The following PDZD2 variants were observed in gnomAD, a reference collection of about 807,000 sequenced individuals.
PDZD2 encodes the protein PDZ domain containing 2.
PDZD2 carries 90 observed loss-of-function variants against 220.7 expected under a neutral mutation model. The ratio of observed to expected loss-of-function variants is 0.41; its 90% CI spans 0.34 to 0.49. The LOEUF (loss-of-function observed/expected upper bound fraction) is 0.49, where lower values mean the gene tolerates loss of function less well. PDZD2 is among the 20% of genes least tolerant of loss of function. PDZD2 has a pLI of 0.28. For missense variants in PDZD2, 3,174 were observed against 3,608.5 expected (o/e 0.88, Z 3.08); for synonymous variants, 1,375 against 1,450.5 (o/e 0.95, Z 1.18).
intron 14 of PDZD2, among the ~76,000 whole-genome samples, chr5:32,065,447 A>G (rs1452869121): frequency 6.6e-6 from 1 of 152,234 alleles, no homozygotes; most frequent in African/African-American, 2.4e-5. Flanking sequence ...TAAGAAGTCT[A>G]TGCCAAGAGA....
At chr5:31,783,207 G>A (rs75934094) in intron 1 of PDZD2, among the ~76,000 whole-genome samples, 1,652 of 152,236 alleles carry the variant, frequency 0.011, 23 homozygotes, top group African/African-American at 0.036. Context: ...GGCTTAACCA[G>A]TGTTTATCTT....
intron 2 of PDZD2, among the ~76,000 whole-genome samples, chr5:31,898,497 C>T (rs944454432): frequency 5.9e-5 from 9 of 152,214 alleles, no homozygotes; most frequent in African/African-American, 1.9e-4. Context: ...GACAGCTGCT[C>T]TACTGCCTTT....
chr5:31,732,429 G>C (rs1749589283), intron 1 of PDZD2, among the ~76,000 whole-genome samples: 1 of 152,162 alleles, frequency 6.6e-6, no homozygotes, highest in Non-Finnish European at 1.5e-5. Context: ...TTTGACCTCA[G>C]ATGCAAAGAC....
At chr5:31,936,455 T>C (rs922144847) in intron 2 of PDZD2, 1 of 501,556 alleles carries the variant, frequency 2.0e-6, no homozygotes, top group Non-Finnish European at 2.6e-6. Flanking sequence ...GATGAGCAGG[T>C]AATAATAACA....
intron 14 of PDZD2, among the ~76,000 whole-genome samples, chr5:32,064,214 A>C (rs1739976457): frequency 6.6e-6 from 1 of 152,018 alleles, no homozygotes; most frequent in African/African-American, 2.4e-5. Flanking sequence ...CGCACAGAGG[A>C]AAAGAAGGAA....
At chr5:31,707,020 G>T (rs553591082) in intron 1 of PDZD2, among the ~76,000 whole-genome samples, 120 of 151,874 alleles carry the variant, frequency 7.9e-4, no homozygotes, top group Non-Finnish European at 1.4e-3. Flanking sequence ...AGATCTTAAG[G>T]GTGGGGCCCT....
intron 2 of PDZD2, among the ~76,000 whole-genome samples, chr5:31,959,569 C>G (rs924393072): frequency 6.6e-6 from 1 of 151,862 alleles, no homozygotes; most frequent in African/African-American, 2.4e-5. Context: ...ATGTTGGCCA[C>G]GAACTCCTGA....
chr5:31,700,646 C>T (rs774680512), intron 1 of PDZD2, among the ~76,000 whole-genome samples: 6 of 152,104 alleles, frequency 3.9e-5, no homozygotes, highest in Non-Finnish European at 8.8e-5. Context: ...GAAACTGAGG[C>T]ATGGAAAAAT....
Position 32,054,715 on chromosome 5 carries a change from A to G in PDZD2, c.1900+832A>G, listed in dbSNP as rs146745414. ...AGTGCTTCTGAATGCAAATTAAAGT[A>G]ATATTGAGGTGCCAAGTTCTACCTT... On this transcript the variant is annotated intron_variant, in intron 10 of 24. Transcript: ENST00000438447. Among the ~76,000 whole-genome samples, 957 of 152,314 alleles carry G rather than the reference A, an allele frequency of 6.3e-3. 15 individuals carry two copies. Among genetic ancestry groups the G allele is most frequent in the African/African-American group, 0.022 (906 of 41,580 alleles).
At chr5:31,803,829 G>A (rs567564494) in intron 2 of PDZD2, among the ~76,000 whole-genome samples, 1 of 151,838 alleles carries the variant, frequency 6.6e-6, no homozygotes, top group African/African-American at 2.4e-5. Flanking sequence ...TGAGCCCAGG[G>A]GTTCAAGACC....
intron 1 of PDZD2, among the ~76,000 whole-genome samples, chr5:31,674,037 C>A (rs933283371): frequency 2.0e-5 from 3 of 152,150 alleles, no homozygotes; most frequent in African/African-American, 4.8e-5. Context: ...AGGTCATAAC[C>A]AGGAGGAGAG....
chr5:31,802,789 G>A (rs566789278), intron 2 of PDZD2, among the ~76,000 whole-genome samples: 4 of 151,882 alleles, frequency 2.6e-5, no homozygotes, highest in East Asian at 1.9e-4. Flanking sequence ...GCGTGGTGGC[G>A]GGTGCCTGTA....
intron 10 of PDZD2, 67 bp downstream of exon 10, chr5:32,053,950 A>C: frequency 1.1e-6 from 1 of 909,496 alleles, no homozygotes; most frequent in Non-Finnish European, 1.8e-6. Flanking sequence ...GCCTCTTCAC[A>C]AGATGTGAGT....
At chr5:31,972,960 C>A (rs1002410385) in intron 2 of PDZD2, among the ~76,000 whole-genome samples, 3 of 152,180 alleles carry the variant, frequency 2.0e-5, no homozygotes, top group Non-Finnish European at 2.9e-5. Context: ...TAAAGAAATG[C>A]AATCACTGGC....
intron 5 of PDZD2, among the ~76,000 whole-genome samples, chr5:32,004,998 T>G (rs560595523): frequency 6.6e-6 from 1 of 152,330 alleles, no homozygotes; most frequent in Non-Finnish European, 1.5e-5. Flanking sequence ...AATTAGGCAC[T>G]AAACTGCTAC....
intron 1 of PDZD2, among the ~76,000 whole-genome samples, chr5:31,713,838 C>G (rs748222986): frequency 6.6e-6 from 1 of 152,232 alleles, no homozygotes; most frequent in African/African-American, 2.4e-5. Context: ...TGAGCCACCA[C>G]GCATGGCCAC....
At chr5:32,029,560 CG>C (rs1269423811) in intron 6 of PDZD2, among the ~76,000 whole-genome samples, 2 of 151,988 alleles carry the variant, frequency 1.3e-5, no homozygotes, top group Non-Finnish European at 2.9e-5. Flanking sequence ...GACACAGGCT[CG>C]GGGGTGTGCA....
chr5:31,786,681 G>C (rs1487062995), intron 1 of PDZD2, among the ~76,000 whole-genome samples: 2 of 152,052 alleles, frequency 1.3e-5, no homozygotes, highest in Non-Finnish European at 2.9e-5. Context: ...GGGGTGTAGG[G>C]GGAATGCCAG....
intron 19 of PDZD2, among the ~76,000 whole-genome samples, chr5:32,079,271 AAAAAAAAAC>A (rs1465988461): frequency 4.7e-5 from 7 of 148,686 alleles, no homozygotes; most frequent in African/African-American, 1.8e-4. Context: ...AAAAAAAACA[AAAAAAAAAC>A]AAAAAAAAAA....
Sources: allele counts gnomAD v4.1 joint callset (sites outside exome capture counted in the v4.1 genomes callset), GRCh38; gene constraint gnomAD v4.1.1; transcripts MANE v1.5; gene names NCBI Gene and HGNC (gene_info 2026-07-23, HGNC 2026-07-21).